The following GRID2 variants were observed in gnomAD, a reference collection of about 807,000 sequenced individuals.
GRID2 encodes the protein glutamate receptor ionotropic, delta-2.
A neutral mutation model predicts 114.8 loss-of-function variants in GRID2; 33 were observed. The ratio of observed to expected loss-of-function variants is 0.29; its 90% CI spans 0.22 to 0.38. The LOEUF (loss-of-function observed/expected upper bound fraction) is 0.38. GRID2 is among the 10% of genes least tolerant of loss of function. GRID2 has a pLI of 1.00. For synonymous variants in GRID2, 505 were observed against 449.9 expected (o/e 1.12, Z -1.55); for missense variants, 1,184 against 1,257.7 (o/e 0.94, Z 0.89).
intron 1 of GRID2, among the ~76,000 whole-genome samples, chr4:93,784,963 T>A (rs899093344): frequency 6.6e-6 from 1 of 152,206 alleles, no homozygotes; most frequent in African/African-American, 2.4e-5. Flanking sequence ...CAATAGAGTA[T>A]CTTCATAGAG....
At chr4:93,413,964 T>C (rs1302875023) in intron 9 of GRID2, among the ~76,000 whole-genome samples, 1 of 152,170 alleles carries the variant, frequency 6.6e-6, no homozygotes, top group Non-Finnish European at 1.5e-5. Flanking sequence ...GTTCATCTAA[T>C]AGAATTATTA....
chr4:93,515,100 AG>A, intron 12 of GRID2, 115 bp from the exon 13 acceptor site: 1 of 452,342 alleles, frequency 2.2e-6, no homozygotes, highest in Non-Finnish European at 3.9e-6. Context: ...AAATAAGAAA[AG>A]CAATTTGATA....
At chr4:92,622,087 A>G (rs1448402492) in intron 2 of GRID2, among the ~76,000 whole-genome samples, 1 of 151,744 alleles carries the variant, frequency 6.6e-6, no homozygotes, top group Non-Finnish European at 1.5e-5. Flanking sequence ...GGCAATGTGG[A>G]AGTACAGTGC....
At chr4:93,749,399 G>A (rs1240991696) in intron 14 of GRID2, among the ~76,000 whole-genome samples, 1 of 152,302 alleles carries the variant, frequency 6.6e-6, no homozygotes, top group Non-Finnish European at 1.5e-5. Context: ...GACTCTTCAA[G>A]GGGAAAGTGA....
intron 9 of GRID2, among the ~76,000 whole-genome samples, chr4:93,412,093 G>A (rs1215570649): frequency 6.6e-6 from 1 of 151,834 alleles, no homozygotes; most frequent in African/African-American, 2.4e-5. Flanking sequence ...CCAATGTGCT[G>A]TGCTGTGTCA....
chr4:92,935,266 CA>C (rs1451520564), intron 2 of GRID2, among the ~76,000 whole-genome samples: 4 of 146,958 alleles, frequency 2.7e-5, no homozygotes, highest in Non-Finnish European at 4.5e-5. Context: ...TTTATGCAGC[CA>C]AAAAACACAT....
At chr4:93,439,515 C>A (rs1393883195) in intron 10 of GRID2, among the ~76,000 whole-genome samples, 2 of 152,066 alleles carry the variant, frequency 1.3e-5, no homozygotes, top group Admixed American at 6.6e-5. Context: ...AGTCAGTGAG[C>A]ATCTGGAACC....
chr4:92,614,960 T>C (rs954158044), intron 2 of GRID2, among the ~76,000 whole-genome samples: 1 of 151,476 alleles, frequency 6.6e-6, no homozygotes, highest in Non-Finnish European at 1.5e-5. Flanking sequence ...TTTTTTCTTT[T>C]AGTAACCTCA....
intron 2 of GRID2, among the ~76,000 whole-genome samples, chr4:92,830,343 A>G (rs1450616656): frequency 6.6e-6 from 1 of 150,678 alleles, no homozygotes; most frequent in Non-Finnish European, 1.5e-5. Flanking sequence ...ACTTCAAAAT[A>G]TTTCTATGTT....
At chr4:93,498,528 AT>A (rs1452674596) in intron 12 of GRID2, among the ~76,000 whole-genome samples, 1 of 151,898 alleles carries the variant, frequency 6.6e-6, no homozygotes, top group Non-Finnish European at 1.5e-5. Context: ...GGATATAGAA[AT>A]ACAATTGTTT....
intron 2 of GRID2, among the ~76,000 whole-genome samples, chr4:92,782,648 C>A (rs569114825): frequency 2.0e-5 from 3 of 152,006 alleles, no homozygotes; most frequent in Non-Finnish European, 4.4e-5. Context: ...AGAGCATGAT[C>A]CTGAGGTAGA....
chr4:92,730,138 A>G (rs1736264025), intron 2 of GRID2, among the ~76,000 whole-genome samples: 1 of 151,900 alleles, frequency 6.6e-6, no homozygotes, highest in Non-Finnish European at 1.5e-5. Flanking sequence ...CTTATTAAAG[A>G]TTTTTCTTTT....
At chr4:92,350,763 A>C (rs968815399) in intron 1 of GRID2, among the ~76,000 whole-genome samples, 3 of 151,874 alleles carry the variant, frequency 2.0e-5, no homozygotes, top group Admixed American at 6.6e-5. Context: ...TGTAACCATT[A>C]CTTACAATTT....
At chr4:93,567,748 A>C (rs1735569493) in intron 13 of GRID2, among the ~76,000 whole-genome samples, 1 of 152,204 alleles carries the variant, frequency 6.6e-6, no homozygotes, top group African/African-American at 2.4e-5. Flanking sequence ...CTTGAGACTT[A>C]GAGAATGGAA....
chr4:92,738,012 G>A (rs1424237024), intron 2 of GRID2, among the ~76,000 whole-genome samples: 1 of 152,016 alleles, frequency 6.6e-6, no homozygotes, highest in Non-Finnish European at 1.5e-5. Context: ...CATGATTTGA[G>A]GAAAGGTTTT....
At chr4:92,694,321 C>T (rs1396376854) in intron 2 of GRID2, among the ~76,000 whole-genome samples, 18 of 152,084 alleles carry the variant, frequency 1.2e-4, no homozygotes, top group Non-Finnish European at 1.5e-5. Flanking sequence ...ATTGAGGTCT[C>T]CTGAGCCTGC....
At chr4:92,907,032 A>C (rs1560688494) in intron 2 of GRID2, among the ~76,000 whole-genome samples, 1 of 152,146 alleles carries the variant, frequency 6.6e-6, no homozygotes, top group East Asian at 1.9e-4. Flanking sequence ...TATGTAGCAC[A>C]CTTCTTCTTG....
chr4:93,153,906 T>C (rs1194085438), intron 4 of GRID2, among the ~76,000 whole-genome samples: 1 of 152,102 alleles, frequency 6.6e-6, no homozygotes, highest in Non-Finnish European at 1.5e-5. Context: ...ATGTACAATA[T>C]AGTATTATTA....
In GRID2 at chr4:92,962,582, C is replaced by T. The variant is rs541807833; in HGVS notation, c.245-122413C>T. Among the ~76,000 whole-genome samples the T allele has an allele frequency of 3.3e-5, 5 of 152,050 alleles. No homozygotes were observed. The South Asian group carries it at 1.0e-3, about 32-fold the overall frequency. On this transcript the variant is annotated intron_variant, in intron 2 of 15. Coordinates refer to ENST00000282020, the MANE Select transcript of GRID2 (RefSeq NM_001510.4). ...GTTAGGTTCAAGTTAAACAGTTTCC[C>T]CAGGGACAGACATTGTGAAGAAGAA...
Sources: allele counts gnomAD v4.1 joint callset (sites outside exome capture counted in the v4.1 genomes callset), GRCh38; gene constraint gnomAD v4.1.1; transcripts MANE v1.5; gene names NCBI Gene and HGNC (gene_info 2026-07-23, HGNC 2026-07-21).